The following CANT1 variants were observed in gnomAD, a reference collection of about 807,000 sequenced individuals.
CANT1 encodes the protein calcium activated nucleotidase 1.
In CANT1, 26 loss-of-function variants were observed where a neutral mutation model predicts 30.0. That is an observed-to-expected ratio of 0.87 (90% CI 0.64 to 1.20). The LOEUF (loss-of-function observed/expected upper bound fraction) is 1.20. Ranked by LOEUF, CANT1 falls within the 50% of genes most tolerant of loss-of-function variation. The pLI, the probability that CANT1 is intolerant of heterozygous loss-of-function variation, is 0.00. For missense variants in CANT1, 518 were observed against 563.0 expected, an observed-to-expected ratio of 0.92 and a Z score of 0.81; for synonymous variants, 246 against 251.8, an observed-to-expected ratio of 0.98 and a Z score of 0.22.
At position 78,995,365 on chromosome 17, in the gene CANT1, C is replaced by G. The variant is rs1199270820; in HGVS notation, c.632-144G>C. On this transcript the variant is annotated intron_variant, in intron 3 of 4. Coordinates refer to ENST00000392446, the MANE Select transcript of CANT1 (RefSeq NM_001159773.2). The surrounding 1 kb of genome is among the most constrained non-coding windows in gnomAD (Gnocchi z 5.7). ...CACCTGCCTCCCCTCCGGCCCGCAC[C>G]TGGCTCCCGCCCAGGGCCGGCCGGC... 5.4e-5 allele frequency: 47 copies of G among 872,208 alleles called. No individual in the cohort carries two copies. The highest frequency in any genetic ancestry group is 8.1e-5 in the Non-Finnish European group (45 of 553,150). 54.0% of individuals were successfully genotyped at this position (872,208 alleles called of 1,614,324 possible).
In CANT1 at chr17:79,002,053, C is replaced by A. The variant is rs1293189198; in HGVS notation, c.-146-4090G>T. On this transcript the variant is annotated intron_variant, in intron 1 of 4. Transcript: ENST00000392446. This position sits in a 1 kb window ranked among gnomAD's most constrained non-coding sequence, Gnocchi z 4.0. ...GCCTCGGCTCCAGTTCCATCTCACC[C>A]TGATGACTCTCAGAGTCTTGGTCTA... 6.6e-6 allele frequency among the ~76,000 whole-genome samples: 1 copy of A among 152,138 alleles called. No homozygotes were observed. Among genetic ancestry groups the A allele is most frequent in the Non-Finnish European group, 1.5e-5 (1 of 68,020 alleles).
intron 1 of CANT1, chr17:79,005,827 T>G (rs935565472): frequency 6.6e-6 from 1 of 152,226 alleles, no homozygotes; most frequent in African/African-American, 2.4e-5. Flanking sequence ...CACACACTCA[T>G]GCTAACAGCG....
chr17:78,994,916 T>A, intron 4 of CANT1, 102 bp downstream of exon 4: 1 of 1,232,120 alleles, frequency 8.1e-7, no homozygotes, highest in Non-Finnish European at 1.1e-6. Context: ...CAAGACTATG[T>A]CTAAAATAAA....
chr17:78,997,021 A>G lies in CANT1; in HGVS notation c.602T>C (p.Leu201Pro). 6.2e-7 allele frequency: 1 copy of G among 1,614,230 alleles called. No homozygotes were observed. Among genetic ancestry groups the G allele is most frequent in the Non-Finnish European group, 8.5e-7 (1 of 1,180,044 alleles). ...EGSKAVPWVI[L>P]SDGDGTVEKG... ...CTCCACGGTGCCGTCGCCGTCGGAC[A>G]GAATCACCCAGGGCACGGCTTTGCT... Residue 201 changes from leucine to proline, a missense_variant, in exon 3 of 5, where the codon CTG (leucine) becomes CCG (proline). This residue lies in a region of CANT1 where 48 missense variants were observed against 82.5 expected (regional missense o/e 0.58). Coordinates refer to ENST00000392446, the MANE Select transcript of CANT1 (RefSeq NM_001159773.2). The surrounding 1 kb of genome is among the most constrained non-coding windows in gnomAD (Gnocchi z 7.5).
In CANT1 at chr17:78,997,352, A is replaced by G. The variant is rs779389320; in HGVS notation, c.271T>C (p.Tyr91His). Residue 91 changes from tyrosine (Y) to histidine (H), a missense_variant, in exon 3 of 5, where the codon TAC becomes CAC. By Grantham distance (83) the Tyr-to-His change is moderately conservative. Coordinates refer to ENST00000392446, the MANE Select transcript of CANT1 (RefSeq NM_001159773.2). This position sits in a 1 kb window ranked among gnomAD's most constrained non-coding sequence, Gnocchi z 7.5. Reference protein sequence around the residue: ...QAPANWYNDTYPLSPPQRTPA... With the variant: ...QAPANWYNDTHPLSPPQRTPA... ...GTCCTTTGTGGGGGAGACAGGGGGT[A>G]GGTGTCATTGTACCAGTTGGCGGGC... 34 of 1,598,720 alleles carry G rather than the reference A, an allele frequency of 2.1e-5. No homozygotes were observed. The Admixed American group carries it at 4.9e-4, about 23-fold the overall frequency.
rs369108479 is a variant in CANT1 at position 78,993,774 on chromosome 17, C to G, written c.982G>C (p.Gly328Arg). 1.9e-6 allele frequency: 3 copies of G among 1,612,982 alleles called. No individual in the cohort carries two copies. In the Admixed American group the frequency reaches 5.0e-5, roughly 27 times the overall value. Residue 328 changes from glycine to arginine, a missense_variant, in exon 5 of 5, where the codon GGC becomes CGC. Gly to Arg is a moderately radical substitution (Grantham distance 125). Around this residue, in one of 3 missense-constraint regions of CANT1, gnomAD observed 221 missense variants for 211.8 expected, o/e 1.04. Coordinates refer to ENST00000392446, the MANE Select transcript of CANT1 (RefSeq NM_001159773.2). This position sits in a 1 kb window ranked among gnomAD's most constrained non-coding sequence, Gnocchi z 4.5. ...NLLLSASPDF[G>R]DIAVSHVGAV... The stretch of plus-strand genomic sequence containing the variant: ...CCGACGTGGCTCACAGCGATGTCGC[C>G]GAAGTCAGGGGAGGCGCTCAGCAGC...
chr17:79,009,756 T>A lies in CANT1; in HGVS notation c.-239A>T, dbSNP rs12949479. On this transcript the variant is annotated 5_prime_UTR_variant, in exon 1 of 5. Transcript: ENST00000392446. Reference sequence around the variant, plus strand: ...GGCTAACGGCCGGGACGGAGGAAGGTGGCCGACTTCCGCCCCGCGCGCGCT... The same window carrying A: ...GGCTAACGGCCGGGACGGAGGAAGGAGGCCGACTTCCGCCCCGCGCGCGCT... The A allele has an allele frequency of 1.3e-5, 2 of 151,220 alleles. No homozygotes were observed. The highest frequency in any genetic ancestry group is 4.8e-5 in the African/African-American group (2 of 41,254). The allele number at this position is 151,220 out of a possible 1,614,324, so 9.4% of individuals were successfully genotyped here.
chr17:79,001,565 C>T (rs1296046337), intron 1 of CANT1, among the ~76,000 whole-genome samples: 1 of 151,952 alleles, frequency 6.6e-6, no homozygotes, highest in Non-Finnish European at 1.5e-5. Context: ...CCCTTCCCAC[C>T]CCCGCCCAGG....
In CANT1 at chr17:78,998,104, CAGACATCA is replaced by C. The variant is rs1471777644; in HGVS notation, c.-146-149_-146-142del. 1 of 189,426 alleles carries C rather than the reference CAGACATCA, an allele frequency of 5.3e-6. No individual in the cohort carries two copies. Among genetic ancestry groups the C allele is most frequent in the Non-Finnish European group, 1.1e-5 (1 of 90,480 alleles). The allele number at this position is 189,426 out of a possible 1,614,324, so 11.7% of individuals were successfully genotyped here. On this transcript the variant is annotated intron_variant, in intron 1 of 4. Transcript: ENST00000392446. The surrounding 1 kb of genome is among the most constrained non-coding windows in gnomAD (Gnocchi z 4.5). ...GAAGCCCTCCCTGACTGCCCTGCTG[CAGACATCA>C]CCCTCCGTCCCTGGGTCCTTGGCCC...
Position 78,993,820 on chromosome 17 carries a change from G to A in CANT1, c.936C>T (p.Asp312=), listed in dbSNP as rs372851650. The A allele has an allele frequency of 2.7e-5, 43 of 1,606,640 alleles. No homozygotes were observed. The highest frequency in any genetic ancestry group is 3.6e-5 in the Non-Finnish European group (42 of 1,177,348). The change falls in exon 5 of 5, where the codon GAC becomes GAT. Residue 312 remains aspartate (D), a synonymous_variant. Coordinates refer to ENST00000392446, the MANE Select transcript of CANT1 (RefSeq NM_001159773.2). This position sits in a 1 kb window ranked among gnomAD's most constrained non-coding sequence, Gnocchi z 4.5. ...ASQERYSEKD[D]ERKGANLLLS... ...GCAGCAGGTTGGCGCCCTTGCGCTCGTCGTCCTTCTCGCTGTAGCGCTCCT... is the reference window on the plus strand; with the variant it reads ...GCAGCAGGTTGGCGCCCTTGCGCTCATCGTCCTTCTCGCTGTAGCGCTCCT...
At position 79,008,585 on chromosome 17, in the gene CANT1, G is replaced by A. The variant is rs2071632484; in HGVS notation, c.-147+1079C>T. ...ATAAGAAATGGAGCTGGGACACTAA[G>A]AGACGGCTTTTCCAGGGGTCACTAA... is the stretch of plus-strand genomic sequence containing the variant. On this transcript the variant is annotated intron_variant, in intron 1 of 4. Coordinates refer to ENST00000392446, the MANE Select transcript of CANT1 (RefSeq NM_001159773.2). This position sits in a 1 kb window ranked among gnomAD's most constrained non-coding sequence, Gnocchi z 4.4. Among the ~76,000 whole-genome samples the A allele has an allele frequency of 1.3e-5, 2 of 152,364 alleles. No individual in the cohort carries two copies. The highest frequency in any genetic ancestry group is 2.1e-4 in the South Asian group (1 of 4,826).
rs1251415771 is a variant in CANT1, at chr17:79,002,154, A to AT, written c.-146-4192dup. ...CTTTCTTAAAACATGATGAGATGAG[A>AT]TTTTTTGTTAAGCTCATCAGCTATC... On this transcript the variant is annotated intron_variant, in intron 1 of 4. Transcript: ENST00000392446. This position sits in a 1 kb window ranked among gnomAD's most constrained non-coding sequence, Gnocchi z 4.0. Among the ~76,000 whole-genome samples, 1 of 152,046 alleles carries AT rather than the reference A, an allele frequency of 6.6e-6. No homozygotes were observed. Among genetic ancestry groups the AT allele is most frequent in the South Asian group, 2.1e-4 (1 of 4,822 alleles).
At chr17:78,994,204 G>C (rs1055392388) in intron 4 of CANT1, among the ~76,000 whole-genome samples, 1 of 152,108 alleles carries the variant, frequency 6.6e-6, no homozygotes, top group Non-Finnish European at 1.5e-5. Context: ...GCCTCCTCGG[G>C]GCTGATCCAG....
In CANT1 at chr17:78,997,198, T is replaced by G. The variant is rs867789182; in HGVS notation, c.425A>C (p.Lys142Thr). The change falls in exon 3 of 5, where the codon AAG becomes ACG. Residue 142 changes from lysine to threonine, a missense_variant. Physicochemically the swap from Lys to Thr is moderately conservative, Grantham distance 78 (BLOSUM62 -1). Transcript: ENST00000392446. This position sits in a 1 kb window ranked among gnomAD's most constrained non-coding sequence, Gnocchi z 7.5. ...GTCTTTGTCCCATTCCACGGCCACC[T>G]TGTCCCCACTGTCTGACAGGGTCAG... is the stretch of plus-strand genomic sequence containing the variant. ...GYLTLSDSGD[K>T]VAVEWDKDHG... 16 of 1,614,074 alleles carry G rather than the reference T, an allele frequency of 9.9e-6. No homozygotes were observed. In the African/African-American group the frequency reaches 1.9e-4, roughly 19 times the overall value.
chr17:79,001,325 A>AG (rs949162499), intron 1 of CANT1, among the ~76,000 whole-genome samples: 11 of 152,110 alleles, frequency 7.2e-5, no homozygotes, highest in African/African-American at 2.7e-4. Flanking sequence ...CAACTTCAGC[A>AG]GCCGAGGCCC....
In CANT1 at chr17:79,002,545, T is replaced by C. The variant is rs2071303880; in HGVS notation, c.-146-4582A>G. On this transcript the variant is annotated intron_variant, in intron 1 of 4. Transcript: ENST00000392446. The surrounding 1 kb of genome is among the most constrained non-coding windows in gnomAD (Gnocchi z 4.0). ...CGCGGCCTGCGTAGACGCGGCCTGC[T>C]GTGTAGTCACGTCCTGGTGTGTAGA... Among the ~76,000 whole-genome samples the C allele has an allele frequency of 6.6e-6, 1 of 152,018 alleles. No homozygotes were observed. Among genetic ancestry groups the C allele is most frequent in the Admixed American group, 6.6e-5 (1 of 15,266 alleles).
Position 79,002,925 on chromosome 17 carries a change from A to G in CANT1, c.-146-4962T>C. The stretch of plus-strand genomic sequence containing the variant: ...CCTATTCCAGACTCCTGGCATCTAC[A>G]CCGTGGCACACGCTCCCCACCCGGG... On this transcript the variant is annotated intron_variant, in intron 1 of 4. Transcript: ENST00000392446. The surrounding 1 kb of genome is among the most constrained non-coding windows in gnomAD (Gnocchi z 4.0). Among the ~76,000 whole-genome samples the G allele has an allele frequency of 6.6e-6, 1 of 151,906 alleles. No homozygotes were observed. The highest frequency in any genetic ancestry group is 1.9e-4 in the East Asian group (1 of 5,166).
At position 78,995,263 on chromosome 17, in the gene CANT1, G is replaced by T; in HGVS notation, c.632-42C>A. 1.9e-6 allele frequency: 3 copies of T among 1,590,582 alleles called. No homozygotes were observed. The highest frequency in any genetic ancestry group is 1.7e-6 in the Non-Finnish European group (2 of 1,167,450). The stretch of plus-strand genomic sequence containing the variant: ...TCCTTAGGCCCCGCACCCAGCTCCC[G>T]CCGCACCCCTGCACCTGGCTCCCAC... On this transcript the variant is annotated intron_variant, in intron 3 of 4. Coordinates refer to ENST00000392446, the MANE Select transcript of CANT1 (RefSeq NM_001159773.2). This position sits in a 1 kb window ranked among gnomAD's most constrained non-coding sequence, Gnocchi z 5.7.
chr17:79,007,134 G>A (rs926495743), intron 1 of CANT1, among the ~76,000 whole-genome samples: 1 of 152,210 alleles, frequency 6.6e-6, no homozygotes, highest in East Asian at 1.9e-4. Flanking sequence ...TGACAAAGAC[G>A]AGCAGGGTCC....
Sources: gnomAD v4.1 joint callset for allele counts (sites outside exome capture counted in the v4.1 genomes callset) on GRCh38, gnomAD v4.1.1 for gene constraint, gnomAD v4.1.1 regional missense constraint, Gnocchi (gnomAD v3.1) non-coding constraint, MANE v1.5 for transcripts, NCBI Gene and HGNC (gene_info 2026-07-23, HGNC 2026-07-21) for gene names.